NKAIN3: variants seen among roughly 807,000 people sequenced by gnomAD.
The protein encoded by NKAIN3 is sodium/potassium transporting ATPase interacting 3, also known as sodium/potassium-transporting ATPase subunit beta-1-interacting protein 3.
In NKAIN3, 25 loss-of-function variants were observed where a neutral mutation model predicts 30.2. The ratio of observed to expected loss-of-function variants is 0.83; its 90% CI spans 0.60 to 1.16. The LOEUF (loss-of-function observed/expected upper bound fraction) is 1.16, where lower values mean the gene tolerates loss of function less well. Ranked by LOEUF, NKAIN3 falls within the 50% of genes most tolerant of loss-of-function variation. The pLI is 0.00. For missense variants in NKAIN3, 225 were observed against 254.1 expected (o/e 0.89, Z 0.78); for synonymous variants, 91 against 89.6 (o/e 1.02, Z -0.09).
At chr8:62,595,230 C>T (rs981058425) in intron 3 of NKAIN3, among the ~76,000 whole-genome samples, 7 of 151,840 alleles carry the variant, frequency 4.6e-5, no homozygotes, top group Non-Finnish European at 8.8e-5. Flanking sequence ...TTTTTCTGCT[C>T]TTTCTTTAAC....
chr8:62,768,306 C>T (rs756675269), intron 4 of NKAIN3, among the ~76,000 whole-genome samples: 13 of 152,172 alleles, frequency 8.5e-5, no homozygotes, highest in Non-Finnish European at 1.3e-4. Context: ...CTCTCACAGT[C>T]TTATGAAACA....
intron 4 of NKAIN3, chr8:62,855,738 C>T (rs765270921): frequency 1.4e-6 from 2 of 1,463,352 alleles, no homozygotes; most frequent in Non-Finnish European, 1.9e-6. Context: ...ATCTTGTCCA[C>T]CTGCTCTGGA....
intron 3 of NKAIN3, among the ~76,000 whole-genome samples, chr8:62,610,376 G>T (rs1306280413): frequency 6.6e-6 from 1 of 151,816 alleles, no homozygotes. Context: ...CTTGGATGAG[G>T]GGGTGACAGT....
At chr8:62,304,697 C>G (rs1250711634) in intron 1 of NKAIN3, among the ~76,000 whole-genome samples, 1 of 150,306 alleles carries the variant, frequency 6.7e-6, no homozygotes, top group Admixed American at 6.6e-5. Flanking sequence ...TTAAACACTC[C>G]TGACCTGATA....
At chr8:62,898,899 C>T (rs1043764616) in intron 4 of NKAIN3, among the ~76,000 whole-genome samples, 1 of 152,046 alleles carries the variant, frequency 6.6e-6, no homozygotes, top group African/African-American at 2.4e-5. Context: ...CTCCAATTAT[C>T]CAGTTAGAAA....
intron 1 of NKAIN3, among the ~76,000 whole-genome samples, chr8:62,498,934 A>T (rs1358003516): frequency 6.6e-6 from 1 of 152,098 alleles, no homozygotes; most frequent in Non-Finnish European, 1.5e-5. Context: ...CCTTAAAACC[A>T]TTTATTTATA....
intron 4 of NKAIN3, among the ~76,000 whole-genome samples, chr8:62,884,352 G>A (rs982552374): frequency 4.0e-5 from 6 of 151,724 alleles, no homozygotes; most frequent in Non-Finnish European, 8.8e-5. Flanking sequence ...TCTGTCTCCC[G>A]GGTTCAAGAT....
chr8:62,817,415 G>T (rs1818718534), intron 4 of NKAIN3, among the ~76,000 whole-genome samples: 1 of 152,070 alleles, frequency 6.6e-6, no homozygotes, highest in Non-Finnish European at 1.5e-5. Flanking sequence ...GGAAGTTTTA[G>T]TTTTTCCCTC....
At chr8:62,695,267 C>T (rs1192712764) in intron 3 of NKAIN3, among the ~76,000 whole-genome samples, 2 of 152,302 alleles carry the variant, frequency 1.3e-5, no homozygotes, top group East Asian at 3.9e-4. Flanking sequence ...TATCATCACC[C>T]ACACCTAACA....
intron 4 of NKAIN3, among the ~76,000 whole-genome samples, chr8:62,812,963 G>T (rs1563574868): frequency 2.0e-5 from 3 of 151,918 alleles, no homozygotes; most frequent in East Asian, 1.9e-4. Context: ...CTTGTAACAG[G>T]TACTTTCCTC....
At chr8:62,525,494 G>A (rs1311244268) in intron 1 of NKAIN3, among the ~76,000 whole-genome samples, 2 of 152,090 alleles carry the variant, frequency 1.3e-5, no homozygotes, top group African/African-American at 2.4e-5. Flanking sequence ...AAAACATGCG[G>A]TATTTGGTTT....
intron 1 of NKAIN3, among the ~76,000 whole-genome samples, chr8:62,555,759 A>G (rs2129956029): frequency 6.6e-6 from 1 of 152,184 alleles, no homozygotes; most frequent in Non-Finnish European, 1.5e-5. Context: ...TACATTTTTT[A>G]AAATTCCACA....
chr8:62,855,085 A>T, intron 4 of NKAIN3: 1 of 154,248 alleles, frequency 6.5e-6, no homozygotes, highest in Non-Finnish European at 1.4e-5. Flanking sequence ...GTTTGTGTTC[A>T]GTACAAACTT....
At chr8:62,648,788 G>A (rs1237930240) in intron 3 of NKAIN3, among the ~76,000 whole-genome samples, 7 of 152,168 alleles carry the variant, frequency 4.6e-5, no homozygotes, top group Non-Finnish European at 1.0e-4. Context: ...GAGCCTCCAT[G>A]GGTCCAGGCT....
At chr8:62,439,248 A>G (rs1805255719) in intron 1 of NKAIN3, among the ~76,000 whole-genome samples, 1 of 152,216 alleles carries the variant, frequency 6.6e-6, no homozygotes, top group East Asian at 1.9e-4. Flanking sequence ...GGATTAGGAA[A>G]TAAGGAATCT....
At chr8:62,302,329 C>T (rs1341971290) in intron 1 of NKAIN3, among the ~76,000 whole-genome samples, 2 of 152,014 alleles carry the variant, frequency 1.3e-5, no homozygotes, top group Non-Finnish European at 2.9e-5. Context: ...GGGTTCTGCA[C>T]TTCTTTTGCA....
At chr8:62,679,693 G>T (rs1377475633) in intron 3 of NKAIN3, among the ~76,000 whole-genome samples, 1 of 152,058 alleles carries the variant, frequency 6.6e-6, no homozygotes, top group East Asian at 1.9e-4. Context: ...GAGCAAGGAG[G>T]TGCTACACAC....
intron 4 of NKAIN3, among the ~76,000 whole-genome samples, chr8:62,845,124 C>T (rs921899432): frequency 2.0e-5 from 3 of 151,388 alleles, no homozygotes; most frequent in Non-Finnish European, 2.9e-5. Context: ...AATATTAGAT[C>T]ATGTGTTGGA....
At chr8:62,559,656 A>G (rs1809508361) in intron 1 of NKAIN3, among the ~76,000 whole-genome samples, 1 of 151,996 alleles carries the variant, frequency 6.6e-6, no homozygotes, top group Admixed American at 6.6e-5. Flanking sequence ...TTACCATTTC[A>G]GGGATAGTAT....
Sources: allele counts gnomAD v4.1 joint callset (sites outside exome capture counted in the v4.1 genomes callset), GRCh38; gene constraint gnomAD v4.1.1; transcripts MANE v1.5; gene names NCBI Gene and HGNC (gene_info 2026-07-23, HGNC 2026-07-21).